The following PSMG2 variants were observed in gnomAD, a reference collection of about 807,000 sequenced individuals.
The protein encoded by PSMG2 is CD40 ligand-activated specific transcript 3.
In PSMG2, 21 loss-of-function variants were observed where a neutral mutation model predicts 31.5. The ratio of observed to expected loss-of-function variants is 0.67; its 90% CI spans 0.47 to 0.96. PSMG2 has a LOEUF of 0.96. PSMG2 is among the 40% of genes least tolerant of loss of function. PSMG2 has a pLI of 0.00. For synonymous variants in PSMG2, 120 were observed against 110.4 expected, an observed-to-expected ratio of 1.09 and a Z score of -0.54; for missense variants, 318 against 321.2, an observed-to-expected ratio of 0.99 and a Z score of 0.08.
At chr18:12,691,056 G>C (rs965933566) in intron 1 of PSMG2, among the ~76,000 whole-genome samples, 1 of 151,798 alleles carries the variant, frequency 6.6e-6, no homozygotes, top group Non-Finnish European at 1.5e-5. Context: ...AAACAAAATG[G>C]ATTTTCATCT....
chr18:12,674,744 G>A (rs1405874594), intron 1 of PSMG2: 2 of 1,611,650 alleles, frequency 1.2e-6, no homozygotes, highest in Non-Finnish European at 1.7e-6. Context: ...ACAGTAGTGA[G>A]GCCAAGATCC....
chr18:12,659,382 A>T (rs2038648329), intron 1 of PSMG2, among the ~76,000 whole-genome samples: 2 of 152,134 alleles, frequency 1.3e-5, no homozygotes, highest in South Asian at 4.1e-4. Context: ...AGAAATTGAA[A>T]GAGGGCCGTG....
At chr18:12,698,511 ACTTGT>A (rs1446938383), upstream of PSMG2, among the ~76,000 whole-genome samples, 2 of 152,016 alleles carry the variant, frequency 1.3e-5, no homozygotes, top group East Asian at 3.9e-4. Context: ...CTTTGCCCAG[ACTTGT>A]CTTGAACTCC....
chr18:12,702,540 C>G, upstream of PSMG2: 1 of 1,606,002 alleles, frequency 6.2e-7, no homozygotes. Flanking sequence ...TCTCCGGAGG[C>G]AGCGACATGC....
At chr18:12,722,314 G>A (rs113595812) in intron 5 of PSMG2, among the ~76,000 whole-genome samples, 11 of 152,302 alleles carry the variant, frequency 7.2e-5, no homozygotes, top group African/African-American at 2.6e-4. Flanking sequence ...CAAATTTTAA[G>A]TCTACAGTTG....
chr18:12,672,865 G>A (rs2038982622), intron 1 of PSMG2: 2 of 985,046 alleles, frequency 2.0e-6, no homozygotes, highest in South Asian at 4.7e-5. Flanking sequence ...CAAGGACCAC[G>A]AATAAACCAC....
intron 1 of PSMG2, among the ~76,000 whole-genome samples, chr18:12,705,466 C>G (rs902250816): frequency 3.3e-5 from 5 of 151,462 alleles, no homozygotes. Flanking sequence ...GTGGAGACGT[C>G]CATTAGGTTG....
upstream of PSMG2, among the ~76,000 whole-genome samples, chr18:12,699,541 C>T (rs756753471): frequency 1.3e-5 from 2 of 152,154 alleles, no homozygotes; most frequent in Non-Finnish European, 2.9e-5. Context: ...ATCAATTCAG[C>T]AAGTGTATTT....
chr18:12,663,156 A>G (rs909581339), intron 1 of PSMG2, among the ~76,000 whole-genome samples: 3 of 152,206 alleles, frequency 2.0e-5, no homozygotes, highest in African/African-American at 7.2e-5. Flanking sequence ...ATTTCCTATA[A>G]CACAAACTTT....
At chr18:12,671,776 G>T (rs943299318) in intron 1 of PSMG2, among the ~76,000 whole-genome samples, 1 of 151,442 alleles carries the variant, frequency 6.6e-6, no homozygotes, top group East Asian at 1.9e-4. Context: ...GAGTAGCTTG[G>T]ATTATGGGTG....
intron 3 of PSMG2, among the ~76,000 whole-genome samples, chr18:12,718,283 G>A (rs575861873): frequency 3.9e-5 from 6 of 152,156 alleles, no homozygotes; most frequent in East Asian, 3.9e-4. Flanking sequence ...GACTACAGGC[G>A]TGAGCCACCA....
intron 5 of PSMG2, chr18:12,724,284 A>T (rs1322180738): frequency 2.2e-6 from 1 of 454,592 alleles, no homozygotes; most frequent in Non-Finnish European, 3.8e-6. Flanking sequence ...GGGGTGAGGC[A>T]TGATTGTGCG....
rs910789851 is a variant in PSMG2, at chr18:12,674,417, G to A, written c.-37+15644G>A. 27 of 698,204 alleles carry A rather than the reference G, an allele frequency of 3.9e-5. No homozygotes were observed. In the African/African-American group the frequency reaches 4.8e-4, roughly 12 times the overall value. 43.3% of individuals were successfully genotyped at this position (698,204 alleles called of 1,614,324 possible). On this transcript the variant is annotated intron_variant, in intron 1 of 6. Coordinates refer to the PSMG2 transcript ENST00000585331. Reference sequence around the variant, plus strand: ...TAACTGTGCCACTGTACTCCAGCATGGGCAGCAGAGCAAGACCTTGAGTTA... The same window carrying A: ...TAACTGTGCCACTGTACTCCAGCATAGGCAGCAGAGCAAGACCTTGAGTTA...
upstream of PSMG2, chr18:12,702,411 G>A (rs112588451): frequency 2.6e-6 from 3 of 1,166,634 alleles, no homozygotes; most frequent in Non-Finnish European, 3.8e-6. Context: ...TGCCGCTGTC[G>A]GCCCGGGGCC....
chr18:12,720,266 A>G (rs933626755), intron 4 of PSMG2, among the ~76,000 whole-genome samples: 1 of 152,260 alleles, frequency 6.6e-6, no homozygotes, highest in South Asian at 2.1e-4. Context: ...TACAGGCTTC[A>G]TGGCAGAAGG....
At chr18:12,701,069 T>C (rs773662461), upstream of PSMG2, 6 of 1,613,556 alleles carry the variant, frequency 3.7e-6, no homozygotes, top group Non-Finnish European at 5.1e-6. Context: ...ATTCTTCCCG[T>C]ATAGTCTCAG....
intron 1 of PSMG2, among the ~76,000 whole-genome samples, chr18:12,696,638 T>C (rs759706449): frequency 6.6e-6 from 1 of 152,208 alleles, no homozygotes; most frequent in Non-Finnish European, 1.5e-5. Context: ...AGGTTTTGTT[T>C]TCTCATTTTA....
rs1421667236 is a variant in PSMG2 at position 12,712,760 on chromosome 18, G to A, written c.288G>A (p.Lys96=). 1.2e-6 allele frequency: 2 copies of A among 1,601,442 alleles called. No homozygotes were observed. The highest frequency in any genetic ancestry group is 2.7e-5 in the African/African-American group (2 of 74,564). ...VALQLRSIFI[K]YKSKPFCEKL... ...TACAGTTAAGATCCATTTTTATTAA[G>A]GTTAGTATGTTGTAGTTTGCCTTTT... is the stretch of plus-strand genomic sequence containing the variant. The change falls in exon 3 of 7, where the codon AAG becomes AAA. Residue 96 remains lysine, a splice_region_variant and synonymous_variant. Coordinates refer to ENST00000317615, the MANE Select transcript of PSMG2 (RefSeq NM_020232.5).
chr18:12,720,696 G>A lies in PSMG2; in HGVS notation c.581+13G>A. On this transcript the variant is annotated intron_variant, in intron 5 of 6. Transcript: ENST00000317615. ...TCTATGATGAAAGGTGAGTTTGTTT[G>A]CCTGTTCATTTGTTTCCCACTTTAC... The A allele has an allele frequency of 1.2e-6, 2 of 1,602,526 alleles. No homozygotes were observed. Among genetic ancestry groups the A allele is most frequent in the African/African-American group, 2.7e-5 (2 of 74,270 alleles).
Sources: allele counts gnomAD v4.1 joint callset (sites outside exome capture counted in the v4.1 genomes callset), GRCh38; gene constraint gnomAD v4.1.1; transcripts MANE v1.5; gene names NCBI Gene and HGNC (gene_info 2026-07-23, HGNC 2026-07-21).